The following NCS1 variants were observed in gnomAD, a reference collection of about 807,000 sequenced individuals.
NCS1 encodes the protein frequenin homolog.
Under a neutral mutation model 28.4 loss-of-function variants are expected in NCS1, and 6 were observed. The observed-to-expected ratio is 0.21, with a 90% CI of 0.12 to 0.42. The LOEUF (loss-of-function observed/expected upper bound fraction) is 0.42, where lower values mean the gene tolerates loss of function less well. NCS1 is among the 10% of genes least tolerant of loss of function. The pLI, the probability that NCS1 is intolerant of heterozygous loss-of-function variation, is 1.00. For missense variants in NCS1, 131 were observed against 241.4 expected, an observed-to-expected ratio of 0.54 and a Z score of 3.03; for synonymous variants, 86 against 99.3, an observed-to-expected ratio of 0.87 and a Z score of 0.79.
intron 2 of NCS1, among the ~76,000 whole-genome samples, chr9:130,208,748 G>A (rs989242457): frequency 6.6e-5 from 10 of 152,232 alleles, no homozygotes; most frequent in African/African-American, 2.2e-4. Context: ...CACACTGGGG[G>A]CTTTCCTGCG....
chr9:130,179,818 T>G (rs1160616256), intron 1 of NCS1, among the ~76,000 whole-genome samples: 24 of 152,180 alleles, frequency 1.6e-4, no homozygotes, highest in Admixed American at 1.4e-3. Flanking sequence ...TGGGGCCAAG[T>G]AGTTCAATGC....
At chr9:130,182,585 C>T (rs202094094) in intron 1 of NCS1, among the ~76,000 whole-genome samples, 2 of 152,324 alleles carry the variant, frequency 1.3e-5, no homozygotes, top group East Asian at 1.9e-4. Flanking sequence ...GGAGGAGAGG[C>T]GCTGATAGGA....
intron 7 of NCS1, among the ~76,000 whole-genome samples, chr9:130,228,035 A>G (rs1588127254): frequency 6.6e-6 from 1 of 152,202 alleles, no homozygotes; most frequent in South Asian, 2.1e-4. Flanking sequence ...TTCCCTTGCC[A>G]TGTAGACACC....
intron 4 of NCS1, 96 bp from the exon 5 acceptor site, chr9:130,222,554 C>A: frequency 9.9e-7 from 1 of 1,006,744 alleles, no homozygotes; most frequent in Non-Finnish European, 1.6e-6. Flanking sequence ...CATCCGGTCG[C>A]TGACTTCATG....
intron 2 of NCS1, among the ~76,000 whole-genome samples, chr9:130,216,317 G>A (rs1196512034): frequency 3.3e-5 from 5 of 152,204 alleles, no homozygotes; most frequent in Non-Finnish European, 7.3e-5. Flanking sequence ...TTCTCTGAGC[G>A]TCGGCCTCTT....
intron 6 of NCS1, 32 bp downstream of exon 6, chr9:130,223,191 C>A: frequency 1.3e-6 from 2 of 1,597,996 alleles, no homozygotes; most frequent in South Asian, 1.1e-5. Context: ...GGTCCTGGAC[C>A]AGGGAGGCAA....
chr9:130,194,521 C>T lies in NCS1; in HGVS notation c.65-6437C>T, dbSNP rs371758284. ...GGGAGTAGAGTGGATGCCCAGCCCC[C>T]CCTCTCCCAGGGCCCTGTGTCGGCT... On this transcript the variant is annotated intron_variant, in intron 1 of 7. Coordinates refer to ENST00000372398, the MANE Select transcript of NCS1 (RefSeq NM_014286.4). Among the ~76,000 whole-genome samples the T allele has an allele frequency of 3.9e-5, 6 of 152,266 alleles. No individual in the cohort carries two copies. The East Asian group carries it at 5.8e-4, about 15-fold the overall frequency.
At chr9:130,222,140 A>G (rs1833337888) in intron 4 of NCS1, among the ~76,000 whole-genome samples, 1 of 136,962 alleles carries the variant, frequency 7.3e-6, no homozygotes, top group African/African-American at 2.6e-5. Context: ...ATATATATAT[A>G]CGTATATATA....
chr9:130,206,403 CTTTTTT>C (rs71387330), intron 2 of NCS1, among the ~76,000 whole-genome samples: 21 of 116,514 alleles, frequency 1.8e-4, no homozygotes, highest in African/African-American at 6.3e-4. Flanking sequence ...TTCTTTCTTT[CTTTTTT>C]TTTTTTTTTT....
At chr9:130,225,706 A>G (rs1833402162) in intron 6 of NCS1, among the ~76,000 whole-genome samples, 1 of 152,320 alleles carries the variant, frequency 6.6e-6, no homozygotes, top group African/African-American at 2.4e-5. Context: ...AGCTTGGCAT[A>G]TGTCGTGTAC....
At chr9:130,203,914 C>T (rs1022124700) in intron 2 of NCS1, among the ~76,000 whole-genome samples, 2 of 152,164 alleles carry the variant, frequency 1.3e-5, no homozygotes, top group South Asian at 2.1e-4. Context: ...CTCCTGGAGC[C>T]GCAGACAGCA....
chr9:130,221,349 TA>T (rs201916702), intron 4 of NCS1, among the ~76,000 whole-genome samples: 2 of 140,648 alleles, frequency 1.4e-5, no homozygotes, highest in Admixed American at 7.3e-5. Context: ...TATATATATA[TA>T]AAATATTTAA....
chr9:130,206,898 T>C (rs1328342945), intron 2 of NCS1, among the ~76,000 whole-genome samples: 9 of 152,066 alleles, frequency 5.9e-5, no homozygotes, highest in Non-Finnish European at 1.2e-4. Flanking sequence ...CGGGCCACAG[T>C]GGACATGGTT....
chr9:130,184,594 G>C (rs1832715039), intron 1 of NCS1, among the ~76,000 whole-genome samples: 1 of 152,024 alleles, frequency 6.6e-6, no homozygotes, highest in South Asian at 2.1e-4. Context: ...AGCGTGCTAG[G>C]GCAGCCCAGA....
intron 1 of NCS1, chr9:130,200,338 T>C (rs1241839125): frequency 1.8e-6 from 1 of 562,664 alleles, no homozygotes; most frequent in Non-Finnish European, 3.2e-6. Context: ...AATGGGTATG[T>C]GGGCTTGGCT....
intron 2 of NCS1, among the ~76,000 whole-genome samples, chr9:130,204,796 C>T (rs538795521): frequency 6.6e-6 from 1 of 152,204 alleles, no homozygotes; most frequent in Admixed American, 6.5e-5. Context: ...TGTCAGTAAC[C>T]GTAGTAATCA....
intron 1 of NCS1, among the ~76,000 whole-genome samples, chr9:130,185,058 C>T (rs3824543): frequency 1.3e-4 from 20 of 152,302 alleles, no homozygotes; most frequent in African/African-American, 4.6e-4. Context: ...CGGACCCAGC[C>T]CTCTGCTTCC....
intron 2 of NCS1, among the ~76,000 whole-genome samples, chr9:130,216,893 G>C (rs2131149848): frequency 6.9e-6 from 1 of 145,928 alleles, no homozygotes; most frequent in South Asian, 2.4e-4. Context: ...GTCCTCTGAG[G>C]AGTGCGTGTC....
Position 130,235,727 on chromosome 9 carries a change from C to G in NCS1, c.*2755C>G, listed in dbSNP as rs1833578907. On this transcript the variant is annotated 3_prime_UTR_variant, in exon 8 of 8. Coordinates refer to ENST00000372398, the MANE Select transcript of NCS1 (RefSeq NM_014286.4). ...GGCAGGGACCGATCTCTGCCCCCTC[C>G]TCTCCCCAGGCCTCTGGCTGCAGTG... 6.6e-6 allele frequency: 1 copy of G among 152,644 alleles called. No homozygotes were observed. Among genetic ancestry groups the G allele is most frequent in the African/African-American group, 2.4e-5 (1 of 41,474 alleles). 9.5% of individuals were successfully genotyped at this position (152,644 alleles called of 1,614,324 possible). A position where few individuals can be genotyped will look rare whatever the true frequency, so the allele number is the denominator to read the frequency against.
Sources: gnomAD v4.1 joint callset for allele counts (sites outside exome capture counted in the v4.1 genomes callset) on GRCh38, gnomAD v4.1.1 for gene constraint, MANE v1.5 for transcripts, NCBI Gene and HGNC (gene_info 2026-07-23, HGNC 2026-07-21) for gene names.